Variants in CPNE4 observed in about 807,000 individuals in gnomAD.
CPNE4 encodes the protein copine 4.
Under a neutral mutation model 67.9 loss-of-function variants are expected in CPNE4, and 25 were observed. The observed-to-expected ratio is 0.37, with a 90% CI of 0.27 to 0.51. The LOEUF is 0.51. CPNE4 is among the 20% of genes least tolerant of loss of function. The pLI is 0.93. For synonymous variants in CPNE4, 242 were observed against 244.9 expected, an observed-to-expected ratio of 0.99 and a Z score of 0.11; for missense variants, 464 against 690.8, an observed-to-expected ratio of 0.67 and a Z score of 3.68.
chr3:131,586,831 T>C (rs1432649730), intron 8 of CPNE4, among the ~76,000 whole-genome samples: 1 of 152,130 alleles, frequency 6.6e-6, no homozygotes, highest in Non-Finnish European at 1.5e-5. Flanking sequence ...GGGGTTTGGG[T>C]TTCTGTGTGG....
intron 1 of CPNE4, among the ~76,000 whole-genome samples, chr3:132,001,138 T>C (rs971601635): frequency 2.0e-5 from 3 of 151,982 alleles, no homozygotes; most frequent in Admixed American, 2.0e-4. Context: ...AGGAGAAAGA[T>C]CTGAATATTA....
intron 7 of CPNE4, among the ~76,000 whole-genome samples, chr3:131,648,232 T>C (rs2079715331): frequency 1.3e-5 from 2 of 152,176 alleles, no homozygotes; most frequent in South Asian, 4.1e-4. Flanking sequence ...ATTAGCCAGG[T>C]GTGATGGCAT....
chr3:131,745,148 C>T (rs1051457903), intron 2 of CPNE4, among the ~76,000 whole-genome samples: 10 of 152,102 alleles, frequency 6.6e-5, no homozygotes, highest in Non-Finnish European at 1.5e-4. Flanking sequence ...AATAGTATCT[C>T]GTTGTTGTTT....
intron 6 of CPNE4, among the ~76,000 whole-genome samples, chr3:131,678,874 A>G (rs2080655719): frequency 6.6e-6 from 1 of 152,156 alleles, no homozygotes; most frequent in African/African-American, 2.4e-5. Flanking sequence ...CATCAAGGAT[A>G]TTACGCTGAA....
At chr3:131,747,053 G>A (rs2082506654) in intron 2 of CPNE4, among the ~76,000 whole-genome samples, 1 of 149,974 alleles carries the variant, frequency 6.7e-6, no homozygotes, top group Admixed American at 6.6e-5. Context: ...TATATCTGTT[G>A]GCCATTTGTA....
intron 1 of CPNE4, among the ~76,000 whole-genome samples, chr3:131,912,395 T>C (rs553352756): frequency 9.1e-4 from 138 of 152,170 alleles, no homozygotes; most frequent in African/African-American, 3.1e-3. Flanking sequence ...CAAGAATAAG[T>C]GCATAATCAC....
At chr3:131,684,513 G>T (rs2080837965) in intron 6 of CPNE4, among the ~76,000 whole-genome samples, 1 of 152,086 alleles carries the variant, frequency 6.6e-6, no homozygotes, top group Non-Finnish European at 1.5e-5. Context: ...GATATCCACA[G>T]CTAGCCCATC....
rs1030038632 is a variant in CPNE4 at position 132,034,762 on chromosome 3, G to A, written c.-197C>T. 1.3e-5 allele frequency: 13 copies of A among 985,290 alleles called. No homozygotes were observed. In the African/African-American group the frequency reaches 1.9e-4, roughly 15 times the overall value. 61.0% of individuals were successfully genotyped at this position (985,290 alleles called of 1,614,324 possible). A position where few individuals can be genotyped will look rare whatever the true frequency, so the allele number is the denominator to read the frequency against. On this transcript the variant is annotated 5_prime_UTR_variant, in exon 1 of 16. Transcript: ENST00000429747. ...AGCAACAGCGGCTGGGAAAGGTGCTGAGAGCAGAGTTCGGTCTCTCCGGAA... is the reference window on the plus strand; with the variant it reads ...AGCAACAGCGGCTGGGAAAGGTGCTAAGAGCAGAGTTCGGTCTCTCCGGAA...
intron 2 of CPNE4, among the ~76,000 whole-genome samples, chr3:131,888,330 AG>A (rs2087974685): frequency 1.3e-5 from 2 of 152,100 alleles, no homozygotes; most frequent in African/African-American, 4.8e-5. Flanking sequence ...GTAGGGGAAA[AG>A]GTAACAAAAT....
At chr3:131,793,251 C>T (rs1370751820) in intron 2 of CPNE4, among the ~76,000 whole-genome samples, 1 of 151,348 alleles carries the variant, frequency 6.6e-6, no homozygotes, top group East Asian at 1.9e-4. Flanking sequence ...CTCATTCTTG[C>T]CACCCTTTCC....
chr3:131,850,902 A>C (rs1447034235), intron 2 of CPNE4, among the ~76,000 whole-genome samples: 2 of 152,124 alleles, frequency 1.3e-5, no homozygotes, highest in Non-Finnish European at 2.9e-5. Context: ...CTATGCTCTT[A>C]ACCATTTTGC....
intron 2 of CPNE4, among the ~76,000 whole-genome samples, chr3:131,872,136 A>G (rs1391887432): frequency 6.6e-6 from 1 of 152,038 alleles, no homozygotes; most frequent in Non-Finnish European, 1.5e-5. Context: ...GGTTTTCCAG[A>G]GAAACAGAAT....
intron 2 of CPNE4, among the ~76,000 whole-genome samples, chr3:131,838,675 T>C (rs989325140): frequency 2.0e-5 from 3 of 151,780 alleles, no homozygotes; most frequent in African/African-American, 7.2e-5. Flanking sequence ...AGAACTTTAA[T>C]ACAGAAGGTA....
At chr3:131,734,207 C>T (rs181281324) in intron 2 of CPNE4, among the ~76,000 whole-genome samples, 1 of 152,318 alleles carries the variant, frequency 6.6e-6, no homozygotes, top group East Asian at 1.9e-4. Flanking sequence ...ACCCTATGCC[C>T]ACTTCTCTTT....
At chr3:131,951,828 G>A (rs999017750) in intron 1 of CPNE4, among the ~76,000 whole-genome samples, 28 of 152,304 alleles carry the variant, frequency 1.8e-4, no homozygotes, top group Middle Eastern at 3.4e-3. Context: ...GCCTCCCGAG[G>A]TGCCGGGATT....
At chr3:131,862,386 T>A (rs1166672700) in intron 2 of CPNE4, among the ~76,000 whole-genome samples, 1 of 152,170 alleles carries the variant, frequency 6.6e-6, no homozygotes, top group Non-Finnish European at 1.5e-5. Context: ...ACATCCTCAT[T>A]GTACCCACAG....
intron 2 of CPNE4, among the ~76,000 whole-genome samples, chr3:131,866,293 C>T (rs1005996): frequency 0.4 from 60,453 of 151,986 alleles, 12,322 homozygotes; most frequent in Admixed American, 0.47. Context: ...ACAGGAATTC[C>T]GGAGCAAGGA....
intron 10 of CPNE4, among the ~76,000 whole-genome samples, chr3:131,571,212 C>T (rs1164875882): frequency 6.6e-6 from 1 of 152,032 alleles, no homozygotes; most frequent in Non-Finnish European, 1.5e-5. Context: ...GAGTTACTGC[C>T]TCCCCTTGGG....
chr3:131,542,971 G>T (rs890241170), intron 14 of CPNE4, 178 bp from the exon 15 acceptor site: 2 of 578,006 alleles, frequency 3.5e-6, no homozygotes, highest in Non-Finnish European at 6.2e-6. Flanking sequence ...GATGAATGGA[G>T]CTTAAAGGTA....
Sources: gnomAD v4.1 joint callset for allele counts (sites outside exome capture counted in the v4.1 genomes callset) on GRCh38, gnomAD v4.1.1 for gene constraint, MANE v1.5 for transcripts, NCBI Gene and HGNC (gene_info 2026-07-23, HGNC 2026-07-21) for gene names.